CHN2: variants seen among roughly 807,000 people sequenced by gnomAD.
CHN2 encodes the protein beta-chimaerin.
In CHN2, 35 loss-of-function variants were observed where a neutral mutation model predicts 56.3. That is an observed-to-expected ratio of 0.62 (90% CI 0.47 to 0.82). The LOEUF (loss-of-function observed/expected upper bound fraction) is 0.82. CHN2 is among the 40% of genes least tolerant of loss of function. The pLI, the probability that CHN2 is intolerant of heterozygous loss-of-function variation, is 0.00. For missense variants in CHN2, 491 were observed against 580.5 expected (o/e 0.85, Z 1.58); for synonymous variants, 210 against 212.8 (o/e 0.99, Z 0.12).
At chr7:29,426,751 C>CAGAT in intron 6 of CHN2, among the ~76,000 whole-genome samples, 1 of 152,342 alleles carries the variant, frequency 6.6e-6, no homozygotes, top group East Asian at 1.9e-4. Context: ...CAGGCGGACT[C>CAGAT]TTATCTGAGT....
At chr7:29,450,668 G>T (rs577055237) in intron 6 of CHN2, among the ~76,000 whole-genome samples, 1 of 152,294 alleles carries the variant, frequency 6.6e-6, no homozygotes, top group South Asian at 2.1e-4. Context: ...ATGAGAATAA[G>T]TTTGCCTTGT....
At chr7:29,160,634 C>T (rs1031079069) in intron 2 of CHN2, among the ~76,000 whole-genome samples, 2 of 152,160 alleles carry the variant, frequency 1.3e-5, no homozygotes, top group Non-Finnish European at 2.9e-5. Context: ...CTAACCCCAG[C>T]ACCTTGACTC....
intron 1 of CHN2, among the ~76,000 whole-genome samples, chr7:29,321,855 C>T (rs1016462005): frequency 2.0e-5 from 3 of 152,112 alleles, no homozygotes; most frequent in Non-Finnish European, 2.9e-5. Context: ...AGGCGTGAGC[C>T]ACCGCGCCCA....
intron 6 of CHN2, among the ~76,000 whole-genome samples, chr7:29,467,131 T>C (rs1785610187): frequency 6.6e-6 from 1 of 152,252 alleles, no homozygotes; most frequent in African/African-American, 2.4e-5. Flanking sequence ...TATTTCCTGA[T>C]GTTAGAGCGT....
chr7:29,420,479 C>T (rs562705405), intron 6 of CHN2, among the ~76,000 whole-genome samples: 2 of 152,186 alleles, frequency 1.3e-5, no homozygotes, highest in Non-Finnish European at 2.9e-5. Flanking sequence ...TGTGCTGTAA[C>T]ATGGATGAAC....
At position 29,462,321 on chromosome 7, in the gene CHN2, C is replaced by T. The variant is rs373649211; in HGVS notation, c.577-17958C>T. ...TGGACACTATTGCTGAATGACAAGC[C>T]GCCTCAAAGCTTAGTAGTATAAAAT... On this transcript the variant is annotated intron_variant, in intron 6 of 12. Transcript: ENST00000222792. 3.9e-5 allele frequency among the ~76,000 whole-genome samples: 6 copies of T among 152,236 alleles called. No homozygotes were observed. The South Asian group carries it at 8.3e-4, about 21-fold the overall frequency.
At chr7:29,184,931 A>G (rs1368706295) in intron 2 of CHN2, among the ~76,000 whole-genome samples, 1 of 152,214 alleles carries the variant, frequency 6.6e-6, no homozygotes, top group Admixed American at 6.5e-5. Context: ...CTTTGGGCAT[A>G]AAGAGTCAGC....
At chr7:29,363,507 A>G (rs1562548633) in intron 2 of CHN2, among the ~76,000 whole-genome samples, 1 of 152,190 alleles carries the variant, frequency 6.6e-6, no homozygotes, top group Non-Finnish European at 1.5e-5. Flanking sequence ...CACCACCACC[A>G]CCATCTACTA....
intron 1 of CHN2, among the ~76,000 whole-genome samples, chr7:29,302,339 T>A (rs2128878818): frequency 6.6e-6 from 1 of 152,028 alleles, no homozygotes; most frequent in Non-Finnish European, 1.5e-5. Flanking sequence ...TCGTATTTCT[T>A]CTTTCTTCTT....
chr7:29,348,275 T>G (rs1241382189), intron 1 of CHN2, among the ~76,000 whole-genome samples: 1 of 152,140 alleles, frequency 6.6e-6, no homozygotes, highest in Non-Finnish European at 1.5e-5. Context: ...AACAGCAGCA[T>G]CATCTTTTTG....
At position 29,324,270 on chromosome 7, in the gene CHN2, G is replaced by A. The variant is rs139017515; in HGVS notation, c.50-30355G>A. 4.6e-5 allele frequency among the ~76,000 whole-genome samples: 7 copies of A among 152,238 alleles called. No homozygotes were observed. The East Asian group carries it at 7.7e-4, about 17-fold the overall frequency. The stretch of plus-strand genomic sequence containing the variant: ...ACTTCTGGAATCATGGCTGATAATC[G>A]TTTACACCTGCACCTTAGCAGCACG... On this transcript the variant is annotated intron_variant, in intron 1 of 12. Coordinates refer to ENST00000222792, the MANE Select transcript of CHN2 (RefSeq NM_004067.4).
intron 6 of CHN2, among the ~76,000 whole-genome samples, chr7:29,428,876 A>G (rs1023769909): frequency 4.6e-5 from 7 of 152,240 alleles, no homozygotes; most frequent in African/African-American, 1.7e-4. Context: ...GAATATAAAG[A>G]GGTTCTGAGA....
intron 6 of CHN2, among the ~76,000 whole-genome samples, chr7:29,465,457 T>G (rs923330188): frequency 6.6e-6 from 1 of 152,324 alleles, no homozygotes; most frequent in East Asian, 1.9e-4. Flanking sequence ...ACTTACAACT[T>G]AAGTTGCACT....
At chr7:29,312,234 CT>C (rs11295026) in intron 1 of CHN2, among the ~76,000 whole-genome samples, 136,519 of 152,136 alleles carry the variant, frequency 0.9, 61,403 homozygotes, top group East Asian at 1. Context: ...ATCTTTTCCA[CT>C]TTTTTTCTGC....
intron 6 of CHN2, among the ~76,000 whole-genome samples, chr7:29,474,223 G>A (rs1786399367): frequency 6.6e-6 from 1 of 152,064 alleles, no homozygotes; most frequent in Admixed American, 6.5e-5. Context: ...TCTTTTAATT[G>A]TCTTTGTTAA....
rs575656862 is a variant in CHN2 at position 29,479,547 on chromosome 7, T to A, written c.577-732T>A. On this transcript the variant is annotated intron_variant, in intron 6 of 12. Coordinates refer to ENST00000222792, the MANE Select transcript of CHN2 (RefSeq NM_004067.4). The stretch of plus-strand genomic sequence containing the variant: ...AAGCTTTCAAGTGCTAAGGCAGATT[T>A]TTAATAAAGAGACATAGGCTTTACC... 335 of 550,808 alleles carry A rather than the reference T, an allele frequency of 6.1e-4. 1 individual carries two copies. Among genetic ancestry groups the A allele is most frequent in the Non-Finnish European group, 7.3e-4 (317 of 432,610 alleles). 34.1% of individuals were successfully genotyped at this position (550,808 alleles called of 1,614,324 possible).
rs1798155646 is a variant in CHN2 at position 29,354,761 on chromosome 7, C to A, written c.88+98C>A. 7 of 1,063,994 alleles carry A rather than the reference C, an allele frequency of 6.6e-6. No homozygotes were observed. In the South Asian group the frequency reaches 9.4e-5, roughly 14 times the overall value. The allele number at this position is 1,063,994 out of a possible 1,614,324, so 65.9% of individuals were successfully genotyped here. The stretch of plus-strand genomic sequence containing the variant: ...ATGTAGTGCACACAAGCGTTCCCAC[C>A]TCACAGCACTGAAAACCCAAATCTT... On this transcript the variant is annotated intron_variant, in intron 2 of 12. Coordinates refer to ENST00000222792, the MANE Select transcript of CHN2 (RefSeq NM_004067.4).
intron 1 of CHN2, among the ~76,000 whole-genome samples, chr7:29,279,937 G>A (rs779023429): frequency 1.3e-5 from 2 of 152,166 alleles, no homozygotes; most frequent in Non-Finnish European, 2.9e-5. Context: ...AGAAGCAGGG[G>A]TCCTAGTAAG....
intron 1 of CHN2, among the ~76,000 whole-genome samples, chr7:29,211,246 A>C (rs75239377): frequency 7.1e-6 from 1 of 140,000 alleles, no homozygotes; most frequent in Non-Finnish European, 1.6e-5. Context: ...AATTTTTTGT[A>C]TTTTTTTTTT....
Sources: gnomAD v4.1 joint callset for allele counts (sites outside exome capture counted in the v4.1 genomes callset) on GRCh38, gnomAD v4.1.1 for gene constraint, MANE v1.5 for transcripts, NCBI Gene and HGNC (gene_info 2026-07-23, HGNC 2026-07-21) for gene names.